The following ADAM20 variants were observed in gnomAD, a reference collection of about 807,000 sequenced individuals.
ADAM20 encodes disintegrin and metalloproteinase domain-containing protein 20.
For synonymous variants in ADAM20, 305 were observed against 310.2 expected (o/e 0.98, Z 0.18); for missense variants, 871 against 883.2 (o/e 0.99, Z 0.18).
At chr14:70,568,573 A>G in the ADAM20 span, among the ~76,000 whole-genome samples, 1 of 152,238 alleles carries the variant, frequency 6.6e-6, no homozygotes, top group Non-Finnish European at 1.5e-5. Context: ...CAAAATAAGG[A>G]TATCAAGGAA....
the ADAM20 span, among the ~76,000 whole-genome samples, chr14:70,546,934 C>T: frequency 6.6e-6 from 1 of 151,766 alleles, no homozygotes; most frequent in Admixed American, 6.6e-5. Flanking sequence ...AATAGTTAAG[C>T]AAAATTGACA....
intron 1 of ADAM20, among the ~76,000 whole-genome samples, chr14:70,532,750 G>T (rs552591550): frequency 2.0e-5 from 3 of 152,214 alleles, no homozygotes; most frequent in Admixed American, 2.0e-4. Flanking sequence ...AGAAGTATTT[G>T]CCAAACATCT....
chr14:70,545,846 G>T, the ADAM20 span, among the ~76,000 whole-genome samples: 10 of 152,176 alleles, frequency 6.6e-5, no homozygotes, highest in African/African-American at 2.4e-4. Flanking sequence ...GACTTAACCT[G>T]CAGTATGGAT....
At chr14:70,538,832 T>C (rs1425714572), upstream of ADAM20, among the ~76,000 whole-genome samples, 1 of 152,210 alleles carries the variant, frequency 6.6e-6, no homozygotes, top group African/African-American at 2.4e-5. Flanking sequence ...GGAGTCTTGC[T>C]CTGTCACCAG....
chr14:70,547,388 G>A, the ADAM20 span: 1 of 149,802 alleles, frequency 6.7e-6, no homozygotes, highest in Non-Finnish European at 1.5e-5. Context: ...TTCCATCTGA[G>A]GTACCGGGTT....
chr14:70,573,481 C>A, the ADAM20 span, among the ~76,000 whole-genome samples: 10 of 152,176 alleles, frequency 6.6e-5, no homozygotes, highest in African/African-American at 2.4e-4. Flanking sequence ...TTGGGTACTA[C>A]GTTTATTATT....
chr14:70,569,682 A>C, the ADAM20 span, among the ~76,000 whole-genome samples: 1 of 152,020 alleles, frequency 6.6e-6, no homozygotes, highest in South Asian at 2.1e-4. Context: ...GAAAATGAAA[A>C]AGATGGCATT....
chr14:70,559,397 C>T, the ADAM20 span, among the ~76,000 whole-genome samples: 67 of 152,172 alleles, frequency 4.4e-4, no homozygotes, highest in African/African-American at 1.6e-3. Flanking sequence ...TCTCACCATC[C>T]CCATCATTAT....
the ADAM20 span, among the ~76,000 whole-genome samples, chr14:70,569,416 A>C: frequency 2.0e-5 from 3 of 152,190 alleles, no homozygotes; most frequent in Non-Finnish European, 4.4e-5. Flanking sequence ...ATGAAACCTC[A>C]CATATCGATA....
At chr14:70,566,490 G>C in the ADAM20 span, among the ~76,000 whole-genome samples, 1 of 151,876 alleles carries the variant, frequency 6.6e-6, no homozygotes, top group Non-Finnish European at 1.5e-5. Context: ...AGTCACCAAA[G>C]AAGACAAAAG....
upstream of ADAM20, among the ~76,000 whole-genome samples, chr14:70,537,659 G>T (rs12587714): frequency 1.3e-5 from 2 of 152,084 alleles, no homozygotes; most frequent in East Asian, 3.9e-4. Context: ...AGACACCCTC[G>T]GCTTCTTCTT....
the ADAM20 span, among the ~76,000 whole-genome samples, chr14:70,562,777 C>A: frequency 2.4e-4 from 36 of 152,280 alleles, 1 homozygote; most frequent in Admixed American, 2.3e-3. Flanking sequence ...CTGAGGCCTC[C>A]TAGTCATGCT....
chr14:70,543,485 C>T, the ADAM20 span, among the ~76,000 whole-genome samples: 1 of 152,132 alleles, frequency 6.6e-6, no homozygotes, highest in Non-Finnish European at 1.5e-5. Flanking sequence ...GTTTCTATCT[C>T]AACCAGTTGG....
intron 1 of ADAM20, among the ~76,000 whole-genome samples, chr14:70,529,227 C>A (rs1883656855): frequency 6.6e-6 from 1 of 152,148 alleles, no homozygotes; most frequent in African/African-American, 2.4e-5. Flanking sequence ...CACATCAGAA[C>A]ACACATTCTT....
chr14:70,571,893 CA>C, the ADAM20 span, among the ~76,000 whole-genome samples: 3 of 151,866 alleles, frequency 2.0e-5, no homozygotes, highest in Non-Finnish European at 4.4e-5. Flanking sequence ...TAGCCACACA[CA>C]AAAAATAAGT....
the ADAM20 span, among the ~76,000 whole-genome samples, chr14:70,575,733 ATAAG>A: frequency 6.6e-6 from 1 of 152,234 alleles, no homozygotes; most frequent in Non-Finnish European, 1.5e-5. Flanking sequence ...TGAGATATAC[ATAAG>A]TAACTATAAT....
chr14:70,533,816 C>T (rs1308645414), intron 1 of ADAM20, among the ~76,000 whole-genome samples: 1 of 150,898 alleles, frequency 6.6e-6, no homozygotes, highest in African/African-American at 2.4e-5. Flanking sequence ...GGCACGGTGG[C>T]TCATGCCTGT....
the ADAM20 span, among the ~76,000 whole-genome samples, chr14:70,547,057 T>C: frequency 6.6e-6 from 1 of 152,182 alleles, no homozygotes; most frequent in African/African-American, 2.4e-5. Context: ...CATTAGTGGC[T>C]ACTATGAGCA....
the ADAM20 span, among the ~76,000 whole-genome samples, chr14:70,569,051 G>A: frequency 6.6e-6 from 1 of 151,910 alleles, no homozygotes; most frequent in East Asian, 1.9e-4. Context: ...ACCTATAAAG[G>A]AAGTCCCATC....
Sources: gnomAD v4.1 joint callset for allele counts (sites outside exome capture counted in the v4.1 genomes callset) on GRCh38, gnomAD v4.1.1 for gene constraint, MANE v1.5 for transcripts, NCBI Gene and HGNC (gene_info 2026-07-23, HGNC 2026-07-21) for gene names.